Variants in TRDN observed in about 807,000 individuals in gnomAD.
TRDN encodes the protein triadin in skeletal muscle.
In TRDN, 161 loss-of-function variants were observed where a neutral mutation model predicts 149.7. The ratio of observed to expected loss-of-function variants is 1.08; its 90% CI spans 0.95 to 1.23. The LOEUF is 1.23. Ranked by LOEUF, TRDN falls within the 50% of genes most tolerant of loss-of-function variation. The pLI, the probability that TRDN is intolerant of heterozygous loss-of-function variation, is 0.00. For synonymous variants in TRDN, 294 were observed against 250.5 expected, an observed-to-expected ratio of 1.17 and a Z score of -1.64; for missense variants, 896 against 823.5, an observed-to-expected ratio of 1.09 and a Z score of -1.08.
At chr6:123,448,246 C>T (rs1255464103) in intron 10 of TRDN, among the ~76,000 whole-genome samples, 3 of 152,170 alleles carry the variant, frequency 2.0e-5, no homozygotes. Flanking sequence ...GGCCAGAACT[C>T]CGGGGAGGGT....
At chr6:123,340,330 T>C (rs1780020056) in intron 21 of TRDN, among the ~76,000 whole-genome samples, 1 of 152,092 alleles carries the variant, frequency 6.6e-6, no homozygotes, top group South Asian at 2.1e-4. Context: ...TTAATACCAT[T>C]GATCTGCCTA....
chr6:123,556,100 G>A (rs1421914960), intron 2 of TRDN, among the ~76,000 whole-genome samples: 1 of 152,114 alleles, frequency 6.6e-6, no homozygotes, highest in Non-Finnish European at 1.5e-5. Context: ...TAAATCATGA[G>A]ATGCTTCTAT....
chr6:123,536,769 A>C lies in TRDN; in HGVS notation c.425-6204T>G, dbSNP rs6913381. On this transcript the variant is annotated intron_variant, in intron 4 of 40. Transcript: ENST00000334268. Reference sequence around the variant, plus strand: ...GTGTGGTGGTGCACAACTGTAGTCCAGCTACTTGGGAGGCTGAGACAGGAG... The same window carrying C: ...GTGTGGTGGTGCACAACTGTAGTCCCGCTACTTGGGAGGCTGAGACAGGAG... Among the ~76,000 whole-genome samples, 437 of 151,536 alleles carry C rather than the reference A, an allele frequency of 2.9e-3. 5 individuals carry two copies. Among genetic ancestry groups the C allele is most frequent in the African/African-American group, 0.01 (423 of 41,332 alleles).
intron 19 of TRDN, 26 bp from the exon 20 acceptor site, chr6:123,366,208 G>T: frequency 6.2e-7 from 1 of 1,608,162 alleles, no homozygotes; most frequent in South Asian, 1.1e-5. Flanking sequence ...TTAAAGGAAT[G>T]AGAAGTGGAT....
chr6:123,232,448 A>T (rs1775641655), intron 38 of TRDN, among the ~76,000 whole-genome samples: 1 of 152,016 alleles, frequency 6.6e-6, no homozygotes, highest in African/African-American at 2.4e-5. Flanking sequence ...AAGAGTAGAG[A>T]GAAATTGCTA....
chr6:123,352,658 T>C, intron 20 of TRDN, 72 bp from the exon 21 acceptor site: 1 of 1,533,782 alleles, frequency 6.5e-7, no homozygotes, highest in Non-Finnish European at 8.7e-7. Context: ...AAAAGCATTT[T>C]GGAGTTCTTT....
intron 11 of TRDN, 92 bp from the exon 12 acceptor site, chr6:123,438,214 A>T: frequency 1.1e-6 from 1 of 874,082 alleles, no homozygotes. Context: ...CATCTAATTT[A>T]TCTTGTATAG....
At chr6:123,510,250 C>T (rs1052515847) in intron 7 of TRDN, 9 of 152,030 alleles carry the variant, frequency 5.9e-5, no homozygotes, top group South Asian at 2.1e-4. Flanking sequence ...GGTTATCTAA[C>T]GGAAGATTTA....
chr6:123,530,582 T>A lies in TRDN; in HGVS notation c.425-17A>T. 1 of 1,209,768 alleles carries A rather than the reference T, an allele frequency of 8.3e-7. No individual in the cohort carries two copies. The highest frequency in any genetic ancestry group is 1.1e-6 in the Non-Finnish European group (1 of 899,446). The allele number at this position is 1,209,768 out of a possible 1,614,324, so 74.9% of individuals were successfully genotyped here. A position where few individuals can be genotyped will look rare whatever the true frequency, so the allele number is the denominator to read the frequency against. On this transcript the variant is annotated splice_polypyrimidine_tract_variant and intron_variant, in intron 4 of 40. Coordinates refer to ENST00000334268, the MANE Select transcript of TRDN (RefSeq NM_006073.4). ...TGTGTATTTCTAAGAAAAAATAGAA[T>A]TTATAATTTTAAAACTCTGAAAATG...
chr6:123,621,920 G>A (rs1785402594), intron 1 of TRDN, among the ~76,000 whole-genome samples: 1 of 152,118 alleles, frequency 6.6e-6, no homozygotes, highest in South Asian at 2.1e-4. Context: ...TCTGGGTGTT[G>A]GTTATGTGGA....
intron 24 of TRDN, among the ~76,000 whole-genome samples, chr6:123,295,515 T>C (rs2114658712): frequency 6.6e-6 from 1 of 152,318 alleles, no homozygotes; most frequent in South Asian, 2.1e-4. Flanking sequence ...ATGTATTATA[T>C]ATTTTAAAAT....
intron 5 of TRDN, among the ~76,000 whole-genome samples, chr6:123,517,129 G>A (rs936739217): frequency 5.3e-5 from 8 of 152,040 alleles, no homozygotes; most frequent in East Asian, 1.9e-4. Context: ...GCAGGGAGTC[G>A]AACTGCTATG....
chr6:123,416,698 C>T (rs1487469457), intron 12 of TRDN, among the ~76,000 whole-genome samples: 3 of 146,272 alleles, frequency 2.1e-5, no homozygotes, highest in Admixed American at 6.9e-5. Context: ...TTCTTTTCCT[C>T]TTTTTTTCTT....
chr6:123,565,372 A>C (rs992751409), intron 2 of TRDN, among the ~76,000 whole-genome samples: 9 of 152,178 alleles, frequency 5.9e-5, no homozygotes, highest in Non-Finnish European at 1.2e-4. Context: ...ACTAAAGTCA[A>C]TGTGGATAAC....
At chr6:123,505,244 CAAAAAAA>C (rs34096424) in intron 7 of TRDN, among the ~76,000 whole-genome samples, 6 of 77,068 alleles carry the variant, frequency 7.8e-5, no homozygotes, top group Non-Finnish European at 1.1e-4. Context: ...AACTCTGTCT[CAAAAAAA>C]AAAAAAAAAA....
At chr6:123,553,792 G>A (rs566584278) in intron 2 of TRDN, among the ~76,000 whole-genome samples, 2 of 152,220 alleles carry the variant, frequency 1.3e-5, no homozygotes, top group East Asian at 1.9e-4. Flanking sequence ...AACAGTATGC[G>A]AGAAACTGTC....
chr6:123,564,611 C>A (rs1287923352), intron 2 of TRDN, among the ~76,000 whole-genome samples: 2 of 152,150 alleles, frequency 1.3e-5, no homozygotes, highest in Non-Finnish European at 2.9e-5. Flanking sequence ...ATTAGAAAAT[C>A]TATTTAAAAG....
intron 9 of TRDN, among the ~76,000 whole-genome samples, chr6:123,480,272 C>T (rs1369599242): frequency 6.7e-6 from 1 of 148,326 alleles, no homozygotes; most frequent in Non-Finnish European, 1.5e-5. Flanking sequence ...AAAAGAATGA[C>T]TTTCAAGAAA....
intron 12 of TRDN, among the ~76,000 whole-genome samples, chr6:123,416,805 G>A (rs756714870): frequency 2.0e-5 from 3 of 151,416 alleles, no homozygotes; most frequent in Non-Finnish European, 4.4e-5. Flanking sequence ...GGGTCCAAGC[G>A]ATTCTCTCGC....
Sources: gnomAD v4.1 joint callset for allele counts (sites outside exome capture counted in the v4.1 genomes callset) on GRCh38, gnomAD v4.1.1 for gene constraint, MANE v1.5 for transcripts, NCBI Gene and HGNC (gene_info 2026-07-23, HGNC 2026-07-21) for gene names.